The following MAML3 variants were observed in gnomAD, a reference collection of about 807,000 sequenced individuals.
MAML3 encodes the protein mastermind-like protein 3.
Under a neutral mutation model 101.9 loss-of-function variants are expected in MAML3, and 27 were observed. The ratio of observed to expected loss-of-function variants is 0.27; its 90% confidence interval spans 0.20 to 0.37. The LOEUF is 0.37. Ranked by LOEUF, MAML3 falls within the 10% of genes least tolerant of loss-of-function variation. The probability of loss-of-function intolerance (pLI) is 1.00; values close to 1 mark genes in which losing one functional copy is unlikely to be tolerated. For missense variants in MAML3, 1,316 were observed against 1,444.9 expected, an observed-to-expected ratio of 0.91 and a Z score of 1.45; for synonymous variants, 501 against 555.9, an observed-to-expected ratio of 0.90 and a Z score of 1.39.
At chr4:139,770,579 A>AC (rs1280521961) in intron 2 of MAML3, among the ~76,000 whole-genome samples, 5 of 152,206 alleles carry the variant, frequency 3.3e-5, no homozygotes, top group African/African-American at 4.8e-5. Context: ...TACTGATGTC[A>AC]GAGGGCGAGG....
At chr4:140,018,499 C>A (rs1521491) in intron 1 of MAML3, among the ~76,000 whole-genome samples, 2 of 152,090 alleles carry the variant, frequency 1.3e-5, no homozygotes, top group African/African-American at 4.8e-5. Context: ...TATTTGGCCC[C>A]GAGTTACAAA....
At chr4:139,965,909 G>T (rs754477804) in intron 1 of MAML3, among the ~76,000 whole-genome samples, 1 of 152,154 alleles carries the variant, frequency 6.6e-6, no homozygotes, top group Non-Finnish European at 1.5e-5. Context: ...GAACACAAAA[G>T]CACAGAAGGC....
At chr4:139,834,793 C>T (rs762965980) in intron 2 of MAML3, among the ~76,000 whole-genome samples, 41 of 152,210 alleles carry the variant, frequency 2.7e-4, no homozygotes, top group South Asian at 6.2e-4. Flanking sequence ...GTATCAACCA[C>T]GGAGATGTCA....
At chr4:139,966,705 A>G (rs1009259605) in intron 1 of MAML3, among the ~76,000 whole-genome samples, 3 of 152,214 alleles carry the variant, frequency 2.0e-5, no homozygotes, top group Admixed American at 1.3e-4. Flanking sequence ...TGCTAACATT[A>G]TTGTCACTAA....
At chr4:140,027,595 C>T (rs183267619) in intron 1 of MAML3, among the ~76,000 whole-genome samples, 4 of 152,276 alleles carry the variant, frequency 2.6e-5, no homozygotes, top group African/African-American at 9.6e-5. Flanking sequence ...CTCTCGTTCG[C>T]GTCTACAAAT....
chr4:139,788,435 C>T (rs1730344972), intron 2 of MAML3, among the ~76,000 whole-genome samples: 1 of 152,204 alleles, frequency 6.6e-6, no homozygotes, highest in South Asian at 2.1e-4. Context: ...AGATATGTCA[C>T]ATCCTGTCTC....
At chr4:140,083,726 G>A (rs1364619800) in intron 1 of MAML3, among the ~76,000 whole-genome samples, 1 of 151,944 alleles carries the variant, frequency 6.6e-6, no homozygotes, top group African/African-American at 2.4e-5. Context: ...TAGGCCAATT[G>A]ATGTTTTGCC....
chr4:139,902,558 C>T (rs1732747868), intron 1 of MAML3, among the ~76,000 whole-genome samples: 1 of 152,176 alleles, frequency 6.6e-6, no homozygotes, highest in Non-Finnish European at 1.5e-5. Flanking sequence ...GACAGACAGG[C>T]ACGTTCTCAC....
At chr4:139,868,758 G>C (rs1456936098) in intron 2 of MAML3, among the ~76,000 whole-genome samples, 1 of 151,908 alleles carries the variant, frequency 6.6e-6, no homozygotes, top group African/African-American at 2.4e-5. Context: ...TTATAACTTT[G>C]TGTCAAAAGA....
chr4:140,112,918 C>G (rs964633105), intron 1 of MAML3, among the ~76,000 whole-genome samples: 1 of 152,180 alleles, frequency 6.6e-6, no homozygotes, highest in Admixed American at 6.6e-5. Flanking sequence ...AACTTGCATG[C>G]AATGCTCAGA....
rs1553973043 is a variant in MAML3, at chr4:140,074,211, A to AAGAAAGAGAGAGAGAGAGAGAAAGAAAG, written c.468+78648_468+78649insCTTTCTTTCTCTCTCTCTCTCTCTTTCT. On this transcript the variant is annotated intron_variant, in intron 1 of 4. Coordinates refer to ENST00000509479, the MANE Select transcript of MAML3 (RefSeq NM_018717.5). ...AGAGAGAAAGAAAGAGAAAGAAAGA[A>AAGAAAGAGAGAGAGAGAGAGAAAGAAAG]AGAAAGAAAGAAAGAAAGAAAGAAA... 4.5e-3 allele frequency among the ~76,000 whole-genome samples: 601 copies of AAGAAAGAGAGAGAGAGAGAGAAAGAAAG among 133,114 alleles called. 3 individuals carry two copies. The highest frequency in any genetic ancestry group is 0.016 in the Middle Eastern group (4 of 252). 87.3% of individuals were successfully genotyped at this position (133,114 alleles called of 152,430 possible).
At chr4:139,864,923 C>CTTTTTTTTT (rs56361332) in intron 2 of MAML3, among the ~76,000 whole-genome samples, 3 of 62,456 alleles carry the variant, frequency 4.8e-5, no homozygotes, top group Admixed American at 2.4e-4. Context: ...TGCAAACTTG[C>CTTTTTTTTT]TTTTTTTTTT....
At chr4:139,871,446 A>G (rs573358690) in intron 2 of MAML3, among the ~76,000 whole-genome samples, 1 of 152,270 alleles carries the variant, frequency 6.6e-6, no homozygotes, top group South Asian at 2.1e-4. Flanking sequence ...CCCTGCCCAC[A>G]GTCACTTCCA....
At chr4:139,779,967 A>G (rs572699141) in intron 2 of MAML3, among the ~76,000 whole-genome samples, 3 of 152,370 alleles carry the variant, frequency 2.0e-5, no homozygotes, top group Admixed American at 2.0e-4. Context: ...GTTCTCTGTC[A>G]GCTTGCAGAC....
chr4:140,104,403 T>TACA (rs1728311392), intron 1 of MAML3, among the ~76,000 whole-genome samples: 1 of 84,198 alleles, frequency 1.2e-5, no homozygotes, highest in African/African-American at 3.9e-5. Context: ...TATTATATAA[T>TACA]ATATAATATA....
At chr4:139,841,063 A>G (rs1560810531) in intron 2 of MAML3, among the ~76,000 whole-genome samples, 1 of 152,214 alleles carries the variant, frequency 6.6e-6, no homozygotes, top group Non-Finnish European at 1.5e-5. Context: ...ACAACATAGA[A>G]CCAAAAGATA....
chr4:140,079,372 C>T (rs960310779), intron 1 of MAML3, among the ~76,000 whole-genome samples: 47 of 152,276 alleles, frequency 3.1e-4, no homozygotes, highest in South Asian at 6.2e-4. Flanking sequence ...CGGCTCACTG[C>T]AACCTCCGTC....
intron 4 of MAML3, among the ~76,000 whole-genome samples, chr4:139,720,531 C>T (rs1560767488): frequency 6.6e-6 from 1 of 152,088 alleles, no homozygotes; most frequent in Non-Finnish European, 1.5e-5. Flanking sequence ...AATACAGAGA[C>T]AAAAATTAAA....
intron 1 of MAML3, among the ~76,000 whole-genome samples, chr4:140,004,680 C>G (rs1352818320): frequency 2.6e-5 from 4 of 152,136 alleles, no homozygotes; most frequent in African/African-American, 4.8e-5. Context: ...GAGACAATGA[C>G]GGCTCCAGGA....
Sources: gnomAD v4.1 joint callset for allele counts (sites outside exome capture counted in the v4.1 genomes callset) on GRCh38, gnomAD v4.1.1 for gene constraint, MANE v1.5 for transcripts, NCBI Gene and HGNC (gene_info 2026-07-23, HGNC 2026-07-21) for gene names.